Variants in CWF19L2 observed in about 807,000 individuals in gnomAD.
CWF19L2 encodes the protein CWF19-like protein 2.
A neutral mutation model predicts 111.7 loss-of-function variants in CWF19L2; 98 were observed. The observed-to-expected ratio is 0.88, with a 90% CI of 0.75 to 1.04. The LOEUF is 1.04. CWF19L2 is among the 50% of genes least tolerant of loss of function. The pLI is 0.00. For synonymous variants in CWF19L2, 351 were observed against 342.9 expected, an observed-to-expected ratio of 1.02 and a Z score of -0.26; for missense variants, 1,101 against 1,051.4, an observed-to-expected ratio of 1.05 and a Z score of -0.65.
chr11:107,439,056 AC>A, intron 6 of CWF19L2, 33 bp downstream of exon 6: 1 of 978,978 alleles, frequency 1.0e-6, no homozygotes, highest in South Asian at 1.5e-5. Context: ...AAAAAAAAAA[AC>A]CCTGTGTGTC....
intron 17 of CWF19L2, among the ~76,000 whole-genome samples, chr11:107,328,607 A>T (rs566756653): frequency 1.3e-5 from 2 of 152,320 alleles, no homozygotes; most frequent in Admixed American, 1.3e-4. Context: ...CCAAAACTGA[A>T]TCATATAAAC....
At chr11:107,414,297 A>C (rs1409535407) in intron 10 of CWF19L2, among the ~76,000 whole-genome samples, 1 of 151,886 alleles carries the variant, frequency 6.6e-6, no homozygotes, top group Non-Finnish European at 1.5e-5. Context: ...GGCCTCAAAC[A>C]ATCCTCCACC....
At chr11:107,426,700 GA>G (rs1038123752) in intron 8 of CWF19L2, among the ~76,000 whole-genome samples, 1 of 150,864 alleles carries the variant, frequency 6.6e-6, no homozygotes, top group Non-Finnish European at 1.5e-5. Flanking sequence ...TACTTATTGG[GA>G]AAAAAAACCA....
chr11:107,336,928 C>T (rs1177970970), intron 14 of CWF19L2, among the ~76,000 whole-genome samples: 2 of 152,050 alleles, frequency 1.3e-5, no homozygotes, highest in Non-Finnish European at 2.9e-5. Flanking sequence ...TTAAGCAAGA[C>T]TTTTAAAAAA....
At chr11:107,392,639 G>A in intron 11 of CWF19L2, 140 bp downstream of exon 11, 1 of 532,298 alleles carries the variant, frequency 1.9e-6, no homozygotes, top group Middle Eastern at 4.1e-4. Context: ...AATAAAAGTA[G>A]TAACAACATC....
chr11:107,362,781 G>C (rs1383739075), intron 12 of CWF19L2, among the ~76,000 whole-genome samples: 1 of 151,746 alleles, frequency 6.6e-6, no homozygotes, highest in East Asian at 1.9e-4. Context: ...CTCCTCCAAA[G>C]GAACGCAGTT....
intron 14 of CWF19L2, chr11:107,345,323 T>C (rs1185531901): frequency 6.2e-6 from 2 of 321,598 alleles, no homozygotes; most frequent in African/African-American, 4.4e-5. Flanking sequence ...GAACTATGTA[T>C]TTGTAACCCA....
intron 3 of CWF19L2, among the ~76,000 whole-genome samples, chr11:107,451,096 A>G (rs1340979231): frequency 1.3e-5 from 2 of 152,182 alleles, no homozygotes; most frequent in Non-Finnish European, 2.9e-5. Context: ...CATAGGCTAG[A>G]AAATAAAATG....
intron 14 of CWF19L2, among the ~76,000 whole-genome samples, chr11:107,347,368 T>A (rs1860095124): frequency 6.6e-6 from 1 of 152,126 alleles, no homozygotes; most frequent in Non-Finnish European, 1.5e-5. Flanking sequence ...AAGAGGTGAA[T>A]AATCAAAGAT....
chr11:107,409,095 T>TA (rs143841792), intron 10 of CWF19L2, among the ~76,000 whole-genome samples: 4,375 of 141,192 alleles, frequency 0.031, 75 homozygotes, highest in African/African-American at 0.05. Context: ...GCTAAAACAT[T>TA]AAAAAAAAAA....
intron 6 of CWF19L2, among the ~76,000 whole-genome samples, chr11:107,435,875 G>A (rs577962413): frequency 6.6e-6 from 1 of 151,976 alleles, no homozygotes; most frequent in Admixed American, 6.6e-5. Context: ...AATGTACAAG[G>A]CCAGGTGCAG....
At position 107,336,563 on chromosome 11, in the gene CWF19L2, A is replaced by G; in HGVS notation, c.2353T>C (p.Phe785Leu). ...KEVGDMAPIY[F>L]KKAIMESDEE... The stretch of plus-strand genomic sequence containing the variant: ...CAAAGACTACTTATAAACACCTTAA[A>G]ATAGATGGGAGCCATGTCACCCACT... The change falls in exon 15 of 18, where the codon TTT becomes CTT. Residue 785 changes from phenylalanine to leucine, a missense_variant. By Grantham distance (22) the Phe-to-Leu change is conservative (BLOSUM62 0). Transcript: ENST00000282251. 6.2e-7 allele frequency: 1 copy of G among 1,600,250 alleles called. No homozygotes were observed. The highest frequency in any genetic ancestry group is 8.5e-7 in the Non-Finnish European group (1 of 1,175,436).
chr11:107,456,749 A>C (rs903531935), intron 1 of CWF19L2, among the ~76,000 whole-genome samples: 4 of 152,204 alleles, frequency 2.6e-5, no homozygotes, highest in African/African-American at 4.8e-5. Flanking sequence ...TGTAGGCAAG[A>C]AGATGAATAC....
chr11:107,445,621 T>C (rs767815538), intron 3 of CWF19L2, among the ~76,000 whole-genome samples: 1 of 128,422 alleles, frequency 7.8e-6, no homozygotes, highest in Non-Finnish European at 1.7e-5. Context: ...AAAAAAAAAG[T>C]AGTAGCCCTA....
chr11:107,426,993 A>G (rs1343757097), intron 8 of CWF19L2, among the ~76,000 whole-genome samples: 1 of 152,014 alleles, frequency 6.6e-6, no homozygotes, highest in Non-Finnish European at 1.5e-5. Flanking sequence ...AATTTTATAC[A>G]TATACATTTA....
At chr11:107,359,147 C>T (rs1336113434) in intron 12 of CWF19L2, among the ~76,000 whole-genome samples, 2 of 152,148 alleles carry the variant, frequency 1.3e-5, no homozygotes, top group Non-Finnish European at 2.9e-5. Context: ...CTGCTGAATA[C>T]CCAGTCTGCC....
intron 10 of CWF19L2, among the ~76,000 whole-genome samples, chr11:107,413,509 A>G (rs547768776): frequency 6.6e-6 from 1 of 152,340 alleles, no homozygotes; most frequent in Non-Finnish European, 1.5e-5. Context: ...CTGCAGGAAG[A>G]TCTGGTACTA....
intron 8 of CWF19L2, among the ~76,000 whole-genome samples, chr11:107,418,604 GTTCGAACCAGGCCATAA>G (rs1861261646): frequency 1.3e-5 from 2 of 151,900 alleles, no homozygotes; most frequent in East Asian, 3.9e-4. Context: ...AACAAAAAAC[GTTCGAACCAGGCCATAA>G]TTCTATACAT....
chr11:107,444,591 A>C (rs994952585), intron 3 of CWF19L2, among the ~76,000 whole-genome samples: 1 of 152,214 alleles, frequency 6.6e-6, no homozygotes, highest in African/African-American at 2.4e-5. Context: ...TGATCGCCTG[A>C]ACTACAATAA....
Sources: gnomAD v4.1 joint callset for allele counts (sites outside exome capture counted in the v4.1 genomes callset) on GRCh38, gnomAD v4.1.1 for gene constraint, MANE v1.5 for transcripts, NCBI Gene and HGNC (gene_info 2026-07-23, HGNC 2026-07-21) for gene names.